Variants in ANKS1B observed in about 807,000 individuals in gnomAD.
ANKS1B encodes ankyrin repeat and sterile alpha motif domain-containing protein 1B.
Under a neutral mutation model 148.3 loss-of-function variants are expected in ANKS1B, and 36 were observed. That is an observed-to-expected ratio of 0.24 (90% confidence interval 0.19 to 0.32). The LOEUF is 0.32. ANKS1B is among the 10% of genes least tolerant of loss of function. The probability of loss-of-function intolerance (pLI) is 1.00; values close to 1 mark genes in which losing one functional copy is unlikely to be tolerated. For missense variants in ANKS1B, 1,157 were observed against 1,542.6 expected, an observed-to-expected ratio of 0.75 and a Z score of 4.19; for synonymous variants, 542 against 560.8, an observed-to-expected ratio of 0.97 and a Z score of 0.47.
intron 16 of ANKS1B, among the ~76,000 whole-genome samples, chr12:99,057,051 T>C (rs917797847): frequency 6.6e-6 from 1 of 152,216 alleles, no homozygotes; most frequent in Non-Finnish European, 1.5e-5. Context: ...TTTACTATCA[T>C]ATCTAATTAG....
Position 99,161,504 on chromosome 12 carries a change from C to A in ANKS1B, c.2420-7109G>T, listed in dbSNP as rs547193448. Among the ~76,000 whole-genome samples the A allele has an allele frequency of 3.3e-5, 5 of 152,240 alleles. No homozygotes were observed. In the East Asian group the frequency reaches 9.6e-4, roughly 29 times the overall value. Reference sequence around the variant, plus strand: ...CTCCATCCTGGGTAACAGAGCAAGACCCTGTCTGTAAAAAAACAAACCAAA... The same window carrying A: ...CTCCATCCTGGGTAACAGAGCAAGAACCTGTCTGTAAAAAAACAAACCAAA... On this transcript the variant is annotated intron_variant, in intron 14 of 26. Transcript: ENST00000683438.
chr12:99,005,262 C>T (rs759456076), intron 17 of ANKS1B, among the ~76,000 whole-genome samples: 2 of 152,268 alleles, frequency 1.3e-5, no homozygotes, highest in Middle Eastern at 3.4e-3. Context: ...GACTGCAGTG[C>T]GCTAGGAAGG....
chr12:98,895,211 G>A, intron 17 of ANKS1B: 1 of 985,240 alleles, frequency 1.0e-6, no homozygotes, highest in South Asian at 4.7e-5. Flanking sequence ...CTAGCACTGG[G>A]GGTTGCCGGC....
At chr12:99,516,860 T>C (rs1187953614) in intron 9 of ANKS1B, among the ~76,000 whole-genome samples, 1 of 152,168 alleles carries the variant, frequency 6.6e-6, no homozygotes, top group Non-Finnish European at 1.5e-5. Flanking sequence ...TCTATTCTAT[T>C]CCATTGGTCA....
intron 4 of ANKS1B, among the ~76,000 whole-genome samples, chr12:99,800,435 A>G (rs1449902499): frequency 5.2e-5 from 7 of 134,774 alleles, no homozygotes; most frequent in Non-Finnish European, 1.1e-4. Flanking sequence ...CAGACAATAC[A>G]GAAGCCAAAA....
intron 14 of ANKS1B, among the ~76,000 whole-genome samples, chr12:99,235,076 C>A (rs1201434302): frequency 6.6e-6 from 1 of 152,048 alleles, no homozygotes; most frequent in Non-Finnish European, 1.5e-5. Flanking sequence ...ATTTTAACTA[C>A]CACTGTAGAA....
intron 1 of ANKS1B, among the ~76,000 whole-genome samples, chr12:99,928,798 G>C (rs560854963): frequency 6.6e-6 from 1 of 152,240 alleles, no homozygotes; most frequent in African/African-American, 2.4e-5. Flanking sequence ...TCTCAGGATC[G>C]TAACTCCAGG....
In ANKS1B at chr12:99,421,302, GA is replaced by G. The variant is rs575993446; in HGVS notation, c.1576-21492del. Among the ~76,000 whole-genome samples the G allele has an allele frequency of 5.1e-4, 77 of 152,282 alleles. 1 individual carries two copies. In the East Asian group the frequency reaches 0.013, roughly 25 times the overall value. ...CAATTTACAGAGGTGAAGGTTGAAG[GA>G]AAAGAGGAAATCAATAGGTTCGGAA... On this transcript the variant is annotated intron_variant, in intron 11 of 26. Transcript: ENST00000683438.
chr12:99,762,699 A>C (rs2062248806), intron 8 of ANKS1B, among the ~76,000 whole-genome samples: 1 of 152,158 alleles, frequency 6.6e-6, no homozygotes, highest in South Asian at 2.1e-4. Context: ...GCACAGAAAA[A>C]GAAACTATAA....
At chr12:98,949,154 G>A (rs1368136754) in intron 17 of ANKS1B, among the ~76,000 whole-genome samples, 1 of 151,638 alleles carries the variant, frequency 6.6e-6, no homozygotes, top group East Asian at 1.9e-4. Context: ...GGGTTTCACT[G>A]TGTTAGCCAG....
chr12:98,822,496 A>G (rs2099205443), intron 19 of ANKS1B, among the ~76,000 whole-genome samples: 1 of 152,258 alleles, frequency 6.6e-6, no homozygotes, highest in African/African-American at 2.4e-5. Flanking sequence ...CTCAATGTCA[A>G]CAAGCCCAAG....
chr12:99,802,306 A>T (rs1159509095), intron 4 of ANKS1B, among the ~76,000 whole-genome samples: 1 of 152,194 alleles, frequency 6.6e-6, no homozygotes, highest in East Asian at 1.9e-4. Context: ...AACTCACACA[A>T]TGAAAGCACT....
chr12:99,251,836 G>A (rs2074639898), intron 12 of ANKS1B, among the ~76,000 whole-genome samples: 1 of 152,096 alleles, frequency 6.6e-6, no homozygotes, highest in Non-Finnish European at 1.5e-5. Flanking sequence ...AAGGATACCG[G>A]GGCTGATGTT....
rs540406224 is a variant in ANKS1B, at chr12:98,745,562, C to T, written c.*177G>A. 7.2e-7 allele frequency: 1 copy of T among 1,380,212 alleles called. No homozygotes were observed. The highest frequency in any genetic ancestry group is 2.9e-5 in the East Asian group (1 of 34,706). 85.5% of individuals were successfully genotyped at this position (1,380,212 alleles called of 1,614,324 possible). Reference sequence around the variant, plus strand: ...TGCGACTGGAAAGTCTTGCGTTTTCCATCACTGGTGCAGAAAGAACTTCCC... The same window carrying T: ...TGCGACTGGAAAGTCTTGCGTTTTCTATCACTGGTGCAGAAAGAACTTCCC... On this transcript the variant is annotated 3_prime_UTR_variant, in exon 27 of 27. Coordinates refer to ENST00000683438, the MANE Select transcript of ANKS1B (RefSeq NM_001352186.2).
intron 17 of ANKS1B, among the ~76,000 whole-genome samples, chr12:98,942,028 G>C (rs1325685966): frequency 6.6e-6 from 1 of 152,098 alleles, no homozygotes; most frequent in African/African-American, 2.4e-5. Context: ...AGATTGCAAG[G>C]TCAAGAGTTT....
At position 99,928,266 on chromosome 12, in the gene ANKS1B, ATTTTATTTTT is replaced by A. The variant is rs1303962759; in HGVS notation, c.134+55828_134+55837del. On this transcript the variant is annotated intron_variant, in intron 1 of 26. Transcript: ENST00000683438. ...CTTCAACCACCTATTATTTTATTTT[ATTTTATTTTT>A]TTTTTTTTTTTTTGAGACGGAGTCT... Among the ~76,000 whole-genome samples the A allele has an allele frequency of 3.7e-5, 3 of 81,128 alleles. No individual in the cohort carries two copies. In the East Asian group the frequency reaches 6.0e-4, roughly 16 times the overall value. The allele number at this position is 81,128 out of a possible 152,430, so 53.2% of individuals were successfully genotyped here.
At chr12:99,628,747 A>G (rs2098132112) in intron 9 of ANKS1B, among the ~76,000 whole-genome samples, 1 of 152,158 alleles carries the variant, frequency 6.6e-6, no homozygotes, top group African/African-American at 2.4e-5. Context: ...GTGTTATCCC[A>G]TGGTGGAAAG....
chr12:99,262,388 A>C (rs1284907647), intron 12 of ANKS1B, among the ~76,000 whole-genome samples: 1 of 152,106 alleles, frequency 6.6e-6, no homozygotes, highest in Non-Finnish European at 1.5e-5. Context: ...GGGTGAAATA[A>C]ATATATAGAT....
chr12:99,578,545 T>C (rs1406267837), intron 9 of ANKS1B, among the ~76,000 whole-genome samples: 1 of 152,126 alleles, frequency 6.6e-6, no homozygotes, highest in East Asian at 1.9e-4. Context: ...ATAGCATTTC[T>C]ATACACCAAT....
Sources: allele counts gnomAD v4.1 joint callset (sites outside exome capture counted in the v4.1 genomes callset), GRCh38; gene constraint gnomAD v4.1.1; transcripts MANE v1.5; gene names NCBI Gene and HGNC (gene_info 2026-07-23, HGNC 2026-07-21).